The following TPM4 variants were observed in gnomAD, a reference collection of about 807,000 sequenced individuals.
The protein encoded by TPM4 is tropomyosin 4.
In TPM4, 17 loss-of-function variants were observed where a neutral mutation model predicts 35.8. That is an observed-to-expected ratio of 0.47 (90% confidence interval 0.32 to 0.71). The LOEUF (loss-of-function observed/expected upper bound fraction) is 0.71. Ranked by LOEUF, TPM4 falls within the 30% of genes least tolerant of loss-of-function variation. The probability of loss-of-function intolerance (pLI) is 0.03; values close to 1 mark genes in which losing one functional copy is unlikely to be tolerated. For missense variants in TPM4, 240 were observed against 320.9 expected (o/e 0.75, Z 1.93); for synonymous variants, 120 against 122.9 (o/e 0.98, Z 0.15).
intron 2 of TPM4, among the ~76,000 whole-genome samples, chr19:16,068,309 T>A (rs1038305468): frequency 6.6e-6 from 1 of 152,112 alleles, no homozygotes; most frequent in African/African-American, 2.4e-5. Flanking sequence ...TCCGAGTAGC[T>A]GGGATTACAG....
At chr19:16,098,789 A>G (rs1256232881) in intron 7 of TPM4, among the ~76,000 whole-genome samples, 3 of 152,006 alleles carry the variant, frequency 2.0e-5, no homozygotes, top group African/African-American at 7.2e-5. Context: ...ATTATTCATA[A>G]TAATATTTTA....
At chr19:16,068,828 C>A (rs1403476113) in intron 2 of TPM4, among the ~76,000 whole-genome samples, 1 of 152,042 alleles carries the variant, frequency 6.6e-6, no homozygotes, top group Admixed American at 6.6e-5. Context: ...GTCTGTTTTA[C>A]GTGTCTATCT....
upstream of TPM4, chr19:16,074,850 G>A (rs1409977570): frequency 6.6e-6 from 1 of 152,376 alleles, no homozygotes; most frequent in Non-Finnish European, 1.5e-5. Context: ...CCAGCAATTT[G>A]GGAGGCCGAG....
chr19:16,102,199 T>G lies in TPM4; in HGVS notation c.*853T>G. On this transcript the variant is annotated 3_prime_UTR_variant, in exon 8 of 8. Coordinates refer to ENST00000643579, the MANE Select transcript of TPM4 (RefSeq NM_003290.3). The stretch of plus-strand genomic sequence containing the variant: ...ATGTCTCTACTAAAAATACAAAAAT[T>G]ATGGTGACGCCTGCCTGTAGTCCCA... 1 of 186,150 alleles carries G rather than the reference T, an allele frequency of 5.4e-6. No individual in the cohort carries two copies. The highest frequency in any genetic ancestry group is 1.1e-5 in the Non-Finnish European group (1 of 88,218). The allele number at this position is 186,150 out of a possible 1,614,324, so 11.5% of individuals were successfully genotyped here.
intron 1 of TPM4, 168 bp downstream of exon 1, chr19:16,076,865 C>CT: frequency 1.6e-5 from 20 of 1,235,516 alleles, no homozygotes; most frequent in Non-Finnish European, 1.9e-5. Flanking sequence ...CCAGGACCCC[C>CT]TACTTCCTCC....
At position 16,088,039 on chromosome 19, in the gene TPM4, C is replaced by G. The variant is rs753766561; in HGVS notation, c.397C>G (p.Leu133Val). ...DRKYEEVARK[L>V]VILEGELERA... The stretch of plus-strand genomic sequence containing the variant: ...TCTGTCTCTGCAGGTAGCTCGTAAG[C>G]TGGTCATCCTGGAGGGTGAGCTGGA... Residue 133 changes from leucine to valine, a missense_variant, in exon 4 of 8, where the codon CTG becomes GTG. Leu to Val is a conservative substitution (Grantham distance 32). Coordinates refer to ENST00000643579, the MANE Select transcript of TPM4 (RefSeq NM_003290.3). 2.5e-6 allele frequency: 4 copies of G among 1,611,710 alleles called. No homozygotes were observed. Among genetic ancestry groups the G allele is most frequent in the Non-Finnish European group, 3.4e-6 (4 of 1,179,348 alleles).
rs1023182025 is a variant in TPM4 at position 16,067,678 on chromosome 19, C to A, written c.54C>A (p.Ala18=). 1 of 1,613,556 alleles carries A rather than the reference C, an allele frequency of 6.2e-7. No individual in the cohort carries two copies. The highest frequency in any genetic ancestry group is 8.5e-7 in the Non-Finnish European group (1 of 1,179,862). ...TGCTGAAGTTGGACAAGGAGAATGC[C>A]ATCGACCGCGCGGAGCAGGCGGAGG... The change falls in exon 2 of 3, where the codon GCC becomes GCA. Residue 18 remains alanine, a synonymous_variant. Transcript: ENST00000589897. This position sits in a 1 kb window ranked among gnomAD's most constrained non-coding sequence, Gnocchi z 4.1.
intron 5 of TPM4, among the ~76,000 whole-genome samples, chr19:16,092,043 C>T (rs185264906): frequency 1.2e-3 from 182 of 150,660 alleles, no homozygotes; most frequent in Admixed American, 9.4e-3. Flanking sequence ...TGGTGGTGGG[C>T]GCCTGTAGGC....
At position 16,088,062 on chromosome 19, in the gene TPM4, G is replaced by C; in HGVS notation, c.420G>C (p.Leu140=). 6.2e-7 allele frequency: 1 copy of C among 1,612,752 alleles called. No homozygotes were observed. The change falls in exon 4 of 8, where the codon CTG becomes CTC. Residue 140 remains leucine, a synonymous_variant. Coordinates refer to ENST00000643579, the MANE Select transcript of TPM4 (RefSeq NM_003290.3). ...ARKLVILEGE[L]ERAEERAEVS... is the part of the protein sequence containing the mutation. ...AGCTGGTCATCCTGGAGGGTGAGCT[G>C]GAGAGGGCAGAGGAGCGTGCGGAGG... is the stretch of plus-strand genomic sequence containing the variant.
chr19:16,076,878 C>G, intron 1 of TPM4, 181 bp downstream of exon 1: 1 of 1,214,234 alleles, frequency 8.2e-7, no homozygotes. Context: ...CTTCCTCCGC[C>G]GTCCTCCTTC....
chr19:16,087,558 T>G (rs1302701709), intron 3 of TPM4, among the ~76,000 whole-genome samples: 9 of 149,564 alleles, frequency 6.0e-5, no homozygotes, highest in Admixed American at 6.0e-4. Flanking sequence ...GCCTGGGTGA[T>G]GGAGCGAGAC....
chr19:16,084,412 G>C (rs368693417), intron 2 of TPM4, among the ~76,000 whole-genome samples: 1 of 152,182 alleles, frequency 6.6e-6, no homozygotes, highest in Non-Finnish European at 1.5e-5. Context: ...CGGCAGCCAC[G>C]GGGCAGTGGA....
At chr19:16,090,581 A>G (rs1377888870) in intron 5 of TPM4, among the ~76,000 whole-genome samples, 3 of 152,172 alleles carry the variant, frequency 2.0e-5, no homozygotes, top group African/African-American at 7.2e-5. Flanking sequence ...GCTTCTGCTT[A>G]AACATCACTT....
At chr19:16,082,900 G>A (rs2090501158) in intron 2 of TPM4, among the ~76,000 whole-genome samples, 1 of 151,286 alleles carries the variant, frequency 6.6e-6, no homozygotes, top group South Asian at 2.1e-4. Context: ...GCTGAGGTGG[G>A]AGGATCACTT....
chr19:16,090,868 TGTTG>T (rs1368064956), intron 5 of TPM4, among the ~76,000 whole-genome samples: 3 of 149,642 alleles, frequency 2.0e-5, no homozygotes, highest in African/African-American at 7.4e-5. Context: ...TGTTTCACCA[TGTTG>T]CCCAGGCTGA....
intron 1 of TPM4, 99 bp downstream of exon 1, chr19:16,076,796 CG>C (rs960120417): frequency 9.5e-6 from 12 of 1,269,382 alleles, no homozygotes; most frequent in Non-Finnish European, 1.2e-5. Context: ...GCGCAGTCCT[CG>C]GGCCGCCTTT....
In TPM4 at chr19:16,070,382, C is replaced by T. The variant is rs568336420; in HGVS notation, c.114+2644C>T. The stretch of plus-strand genomic sequence containing the variant: ...AGCCATGTTCCCCACAATGTTTATC[C>T]ACACCCCGATGTCAACTGCCAAGCC... On this transcript the variant is annotated intron_variant, in intron 2 of 2. Coordinates refer to the TPM4 transcript ENST00000589897. This position sits in a 1 kb window ranked among gnomAD's most constrained non-coding sequence, Gnocchi z 7.4. Among the ~76,000 whole-genome samples, 114 of 152,248 alleles carry T rather than the reference C, an allele frequency of 7.5e-4. 2 individuals are homozygous for T. The highest frequency in any genetic ancestry group is 2.7e-3 in the African/African-American group (112 of 41,538).
chr19:16,069,939 G>A (rs2090340482), intron 2 of TPM4, among the ~76,000 whole-genome samples: 1 of 151,874 alleles, frequency 6.6e-6, no homozygotes, highest in Non-Finnish European at 1.5e-5. Flanking sequence ...CCTCCACTGT[G>A]ACAGAAGCCC....
intron 1 of TPM4, among the ~76,000 whole-genome samples, chr19:16,079,166 C>T (rs1312514582): frequency 6.6e-6 from 1 of 152,162 alleles, no homozygotes; most frequent in Admixed American, 6.5e-5. Flanking sequence ...CTGCCAAAAG[C>T]GTTGTTTGCC....
Sources: gnomAD v4.1 joint callset for allele counts (sites outside exome capture counted in the v4.1 genomes callset) on GRCh38, gnomAD v4.1.1 for gene constraint, Gnocchi (gnomAD v3.1) non-coding constraint, MANE v1.5 for transcripts, NCBI Gene and HGNC (gene_info 2026-07-23, HGNC 2026-07-21) for gene names.